The following ZFHX2 variants were observed in gnomAD, a reference collection of about 807,000 sequenced individuals.
The protein encoded by ZFHX2 is zinc finger homeobox protein 2.
Under a neutral mutation model 164.8 loss-of-function variants are expected in ZFHX2, and 75 were observed. That is an observed-to-expected ratio of 0.46 (90% CI 0.38 to 0.55). The LOEUF (loss-of-function observed/expected upper bound fraction) is 0.55, where lower values mean the gene tolerates loss of function less well. Among genes scored for constraint, ZFHX2 ranks in the 20% least tolerant of loss-of-function variants. ZFHX2 has a pLI of 0.00. For synonymous variants in ZFHX2, 1,217 were observed against 1,351.4 expected (o/e 0.90, Z 2.18); for missense variants, 2,933 against 3,308.0 (o/e 0.89, Z 2.78).
Position 23,523,189 on chromosome 14 carries a change from G to C in ZFHX2, c.6739+14C>G, listed in dbSNP as rs1314712567. ...GTTCTCTGAAGTCCAGCTCCTCCCA[G>C]CCTCCCTACTCACCTGAATTGAAAG... is the stretch of plus-strand genomic sequence containing the variant. On this transcript the variant is annotated intron_variant, in intron 9 of 9. Coordinates refer to ENST00000419474, the MANE Select transcript of ZFHX2 (RefSeq NM_033400.3). The surrounding 1 kb of genome is among the most constrained non-coding windows in gnomAD (Gnocchi z 4.1). 1 of 1,413,946 alleles carries C rather than the reference G, an allele frequency of 7.1e-7. No homozygotes were observed. Among genetic ancestry groups the C allele is most frequent in the African/African-American group, 1.4e-5 (1 of 69,322 alleles). The allele number at this position is 1,413,946 out of a possible 1,614,324, so 87.6% of individuals were successfully genotyped here.
Position 23,535,101 on chromosome 14 carries a change from C to A in ZFHX2, c.225G>T (p.Glu75Asp). The A allele has an allele frequency of 3.3e-6, 5 of 1,536,194 alleles. No homozygotes were observed. Among genetic ancestry groups the A allele is most frequent in the Non-Finnish European group, 4.4e-6 (5 of 1,146,904 alleles). ...GACCACAGTCAGGCCCTTCCTGGGGCTCCCCAATCTCCTTTGGTGGGACGA... is the reference window on the plus strand; with the variant it reads ...GACCACAGTCAGGCCCTTCCTGGGGATCCCCAATCTCCTTTGGTGGGACGA... ...CGLVPPKEIG[E>D]PQEGPDCGHF... The change falls in exon 2 of 10, where the codon GAG becomes GAT. Residue 75 changes from glutamate to aspartate, a missense_variant. Coordinates refer to ENST00000419474, the MANE Select transcript of ZFHX2 (RefSeq NM_033400.3). The surrounding 1 kb of genome is among the most constrained non-coding windows in gnomAD (Gnocchi z 4.5).
intron 3 of ZFHX2, 60 bp from the exon 4 acceptor site, chr14:23,531,781 C>CTTTT: frequency 9.3e-7 from 1 of 1,078,958 alleles, no homozygotes; most frequent in Non-Finnish European, 1.2e-6. Flanking sequence ...CCTCAGGGGA[C>CTTTT]TTTTTTTTTT....
At position 23,535,618 on chromosome 14, in the gene ZFHX2, G is replaced by A. The variant is rs987390264; in HGVS notation, c.-49-244C>T. Among the ~76,000 whole-genome samples, 1 of 151,664 alleles carries A rather than the reference G, an allele frequency of 6.6e-6. No individual in the cohort carries two copies. Among genetic ancestry groups the A allele is most frequent in the African/African-American group, 2.4e-5 (1 of 41,232 alleles). ...TTAATTAATTTTTTTTTGAGATGGA[G>A]TTTTGCTCTTGTTGCCCAGGATGGA... On this transcript the variant is annotated intron_variant, in intron 1 of 9. Transcript: ENST00000419474. The surrounding 1 kb of genome is among the most constrained non-coding windows in gnomAD (Gnocchi z 4.5).
chr14:23,534,513 C>T lies in ZFHX2; in HGVS notation c.813G>A (p.Leu271=), dbSNP rs1236362964. Residue 271 remains leucine (L), a synonymous_variant, in exon 2 of 10, where the codon CTG becomes CTA. Coordinates refer to ENST00000419474, the MANE Select transcript of ZFHX2 (RefSeq NM_033400.3). This position sits in a 1 kb window ranked among gnomAD's most constrained non-coding sequence, Gnocchi z 4.5. ...CCTGGAGTACAGCTGGGCTACCTGA[C>T]AGGCCCTGATATTGGGCAGGGGTTA... The part of the protein sequence containing the change: ...VKLTPAQYQG[L]SGSPAVLQEG... 2.0e-5 allele frequency: 31 copies of T among 1,536,070 alleles called. No individual in the cohort carries two copies. The East Asian group carries it at 7.3e-4, about 36-fold the overall frequency.
In ZFHX2 at chr14:23,522,209, G is replaced by A; in HGVS notation, c.7472C>T (p.Pro2491Leu). ...TGCCAGGCAGTGGTAGGTGCAGATG[G>A]GCACCCGCAATGGGGGTGGCATGGA... ...GGSMPPPLRVPICTYHCLACE... is the reference protein window; with the variant it reads ...GGSMPPPLRVLICTYHCLACE... Residue 2491 changes from proline (P) to leucine (L), a missense_variant, in exon 10 of 10, where the codon CCC (proline) becomes CTC (leucine). By Grantham distance (98) the Pro-to-Leu change is moderately conservative. Coordinates refer to ENST00000419474, the MANE Select transcript of ZFHX2 (RefSeq NM_033400.3). The A allele has an allele frequency of 6.8e-7, 1 of 1,480,850 alleles. No homozygotes were observed. Among genetic ancestry groups the A allele is most frequent in the Non-Finnish European group, 8.9e-7 (1 of 1,118,360 alleles). 91.7% of individuals were successfully genotyped at this position (1,480,850 alleles called of 1,614,324 possible). A position where few individuals can be genotyped will look rare whatever the true frequency, so the allele number is the denominator to read the frequency against.
In ZFHX2 at chr14:23,533,171, T is replaced by C. The variant is rs1879773894; in HGVS notation, c.2042-87A>G. The C allele has an allele frequency of 1.4e-6, 2 of 1,447,070 alleles. No individual in the cohort carries two copies. Among genetic ancestry groups the C allele is most frequent in the Non-Finnish European group, 1.8e-6 (2 of 1,104,222 alleles). The allele number at this position is 1,447,070 out of a possible 1,614,324, so 89.6% of individuals were successfully genotyped here. A position where few individuals can be genotyped will look rare whatever the true frequency, so the allele number is the denominator to read the frequency against. ...TGGGGAGGTGGGTTAATGAGTAGGATAGTGCTCAGAGGGACTTATGGTTAC... is the reference window on the plus strand; with the variant it reads ...TGGGGAGGTGGGTTAATGAGTAGGACAGTGCTCAGAGGGACTTATGGTTAC... On this transcript the variant is annotated intron_variant, in intron 2 of 9. Transcript: ENST00000419474. This position sits in a 1 kb window ranked among gnomAD's most constrained non-coding sequence, Gnocchi z 4.8.
chr14:23,527,021 C>G lies in ZFHX2; in HGVS notation c.3136-48G>C, dbSNP rs1023917094. 5.5e-6 allele frequency: 8 copies of G among 1,461,122 alleles called. No individual in the cohort carries two copies. The African/African-American group carries it at 1.1e-4, about 21-fold the overall frequency. The allele number at this position is 1,461,122 out of a possible 1,614,324, so 90.5% of individuals were successfully genotyped here. ...GGCTTCACCACCACCCCCCACTGCC[C>G]CTATGCCACTCCTGACCCATCTGCC... On this transcript the variant is annotated intron_variant, in intron 7 of 9. Transcript: ENST00000419474.
rs2138680918 is a variant in ZFHX2, at chr14:23,525,373, A to G, written c.4569T>C (p.Tyr1523=). ...SRYAAQFRKS[Y]DSLYPPLAEP... The stretch of plus-strand genomic sequence containing the variant: ...CTGCAAGGGGCGGGTATAGGCTGTC[A>G]TAGCTCTTTCGAAACTGAGCAGCAT... The change falls in exon 9 of 10, where the codon TAT becomes TAC. Residue 1523 remains tyrosine, a synonymous_variant. Transcript: ENST00000419474. This position sits in a 1 kb window ranked among gnomAD's most constrained non-coding sequence, Gnocchi z 5.9. The G allele has an allele frequency of 1.3e-6, 2 of 1,536,162 alleles. No homozygotes were observed. Among genetic ancestry groups the G allele is most frequent in the East Asian group, 2.4e-5 (1 of 40,910 alleles).
rs939148457 is a variant in ZFHX2 at position 23,523,890 on chromosome 14, G to A, written c.6052C>T (p.Pro2018Ser). 3 of 1,536,096 alleles carry A rather than the reference G, an allele frequency of 2.0e-6. No individual in the cohort carries two copies. The highest frequency in any genetic ancestry group is 1.2e-5 in the South Asian group (1 of 84,066). Residue 2018 changes from proline to serine, a missense_variant, in exon 9 of 10, where the codon CCA (proline) becomes TCA (serine). By Grantham distance (74) the Pro-to-Ser change is moderately conservative (BLOSUM62 -1). Transcript: ENST00000419474. This position sits in a 1 kb window ranked among gnomAD's most constrained non-coding sequence, Gnocchi z 4.1. ...GAGAGACTGCAAGCCTCACTCTCTG[G>A]AGAAGCTTTAGGTGGTTCCTCTGGG... ...EGPEEPPKAS[P>S]ESEACSLSAG...
At chr14:23,549,657 C>T (rs1881763911) in intron 1 of ZFHX2, among the ~76,000 whole-genome samples, 1 of 152,114 alleles carries the variant, frequency 6.6e-6, no homozygotes, top group Admixed American at 6.5e-5. Context: ...GGATGGGGGG[C>T]AACCAGGCAG....
At chr14:23,543,185 A>G (rs1881013636) in intron 1 of ZFHX2, 1 of 152,256 alleles carries the variant, frequency 6.6e-6, no homozygotes, top group Admixed American at 6.5e-5. Flanking sequence ...GCCATGGGCC[A>G]GGCACCGTGC....
At position 23,521,694 on chromosome 14, in the gene ZFHX2, G is replaced by A. The variant is rs191825140; in HGVS notation, c.*268C>T. On this transcript the variant is annotated 3_prime_UTR_variant, in exon 10 of 10. Coordinates refer to ENST00000419474, the MANE Select transcript of ZFHX2 (RefSeq NM_033400.3). ...TATGAATAATCAGGGTGCCAAGATGGGTGTATGTGTCTGTGAAGATGGGCA... is the reference window on the plus strand; with the variant it reads ...TATGAATAATCAGGGTGCCAAGATGAGTGTATGTGTCTGTGAAGATGGGCA... 5.2e-3 allele frequency: 2,451 copies of A among 467,070 alleles called. 10 individuals carry two copies. The highest frequency in any genetic ancestry group is 7.0e-3 in the Non-Finnish European group (1,861 of 267,526). 28.9% of individuals were successfully genotyped at this position (467,070 alleles called of 1,614,324 possible).
At chr14:23,548,736 C>G (rs1403913148) in intron 1 of ZFHX2, among the ~76,000 whole-genome samples, 1 of 152,176 alleles carries the variant, frequency 6.6e-6, no homozygotes, top group African/African-American at 2.4e-5. Context: ...CTCTCTCTGT[C>G]TCTTCCCTGG....
intron 4 of ZFHX2, chr14:23,531,130 CAA>C (rs1879494471): frequency 5.3e-6 from 1 of 187,834 alleles, no homozygotes; most frequent in Admixed American, 6.1e-5. Flanking sequence ...TGGCCCAGCA[CAA>C]AACAGGTTCT....
At position 23,521,013 on chromosome 14, in the gene ZFHX2, T is replaced by G. The variant is rs1877905175; in HGVS notation, c.*949A>C. 1 of 152,202 alleles carries G rather than the reference T, an allele frequency of 6.6e-6. No individual in the cohort carries two copies. Among genetic ancestry groups the G allele is most frequent in the Admixed American group, 6.5e-5 (1 of 15,282 alleles). 9.4% of individuals were successfully genotyped at this position (152,202 alleles called of 1,614,324 possible). ...TTGGTTGTGTTTCAGTTTTTTTTTT[T>G]GAAAGAACTTTGGATTTGCCGTTGG... On this transcript the variant is annotated 3_prime_UTR_variant, in exon 10 of 10. Coordinates refer to ENST00000419474, the MANE Select transcript of ZFHX2 (RefSeq NM_033400.3).
chr14:23,526,124 T>G lies in ZFHX2; in HGVS notation c.3818A>C (p.Gln1273Pro). Residue 1273 changes from glutamine to proline, a missense_variant, in exon 9 of 10, where the codon CAG becomes CCG. Physicochemically the swap from Gln to Pro is moderately conservative, Grantham distance 76. Coordinates refer to ENST00000419474, the MANE Select transcript of ZFHX2 (RefSeq NM_033400.3). ...LEIHMRSVLH[Q>P]TRSRGTKTDS... ...AGTCTTGGTTCCCCGAGAGCGAGTC[T>G]GATGCAGAACTGACCGCATGTGGAT... 1 of 1,536,464 alleles carries G rather than the reference T, an allele frequency of 6.5e-7. No individual in the cohort carries two copies. Among genetic ancestry groups the G allele is most frequent in the Non-Finnish European group, 8.7e-7 (1 of 1,146,926 alleles).
upstream of ZFHX2, among the ~76,000 whole-genome samples, chr14:23,554,143 T>A (rs944491953): frequency 5.3e-5 from 8 of 151,802 alleles, no homozygotes; most frequent in African/African-American, 1.7e-4. Flanking sequence ...ACCTCAGGTC[T>A]GGCTCCGGAA....
At chr14:23,550,690 G>C (rs1033139720) in intron 1 of ZFHX2, among the ~76,000 whole-genome samples, 7 of 152,160 alleles carry the variant, frequency 4.6e-5, no homozygotes, top group Admixed American at 3.3e-4. Context: ...TGGTAGGATG[G>C]GCGTGCAGGA....
chr14:23,523,742 C>T lies in ZFHX2; in HGVS notation c.6200G>A (p.Arg2067His), dbSNP rs867958430. ...TGVPDGMGQR[R>H]YRTQMSSLQL... ...CAGGCTGCTCATCTGGGTCCTGTAG[C>T]GCCGCTGCCCCATTCCATCTGGAAC... The change falls in exon 9 of 10, where the codon CGC (arginine) becomes CAC (histidine). Residue 2067 changes from arginine to histidine, a missense_variant. Transcript: ENST00000419474. The surrounding 1 kb of genome is among the most constrained non-coding windows in gnomAD (Gnocchi z 4.1). 1.1e-5 allele frequency: 17 copies of T among 1,536,090 alleles called. No individual in the cohort carries two copies. Among genetic ancestry groups the T allele is most frequent in the Non-Finnish European group, 1.3e-5 (15 of 1,146,922 alleles).
Sources: gnomAD v4.1 joint callset for allele counts (sites outside exome capture counted in the v4.1 genomes callset) on GRCh38, gnomAD v4.1.1 for gene constraint, Gnocchi (gnomAD v3.1) non-coding constraint, MANE v1.5 for transcripts, NCBI Gene and HGNC (gene_info 2026-07-23, HGNC 2026-07-21) for gene names.